GUCY1A2: variants seen among roughly 807,000 people sequenced by gnomAD.
GUCY1A2 encodes guanylate cyclase 1 soluble subunit alpha 2.
A neutral mutation model predicts 63.5 loss-of-function variants in GUCY1A2; 27 were observed. The observed-to-expected ratio is 0.43, with a 90% CI of 0.31 to 0.59. The LOEUF is 0.59. GUCY1A2 is among the 20% of genes least tolerant of loss of function. The probability of loss-of-function intolerance (pLI) is 0.11; values close to 1 mark genes in which losing one functional copy is unlikely to be tolerated. For synonymous variants in GUCY1A2, 364 were observed against 343.5 expected (o/e 1.06, Z -0.66); for missense variants, 768 against 913.3 (o/e 0.84, Z 2.05).
chr11:106,818,862 A>G (rs571802306), intron 4 of GUCY1A2, among the ~76,000 whole-genome samples: 190 of 152,294 alleles, frequency 1.2e-3, no homozygotes, highest in African/African-American at 4.4e-3. Context: ...GTTTAGCCAA[A>G]GCCTAATCCA....
intron 6 of GUCY1A2, among the ~76,000 whole-genome samples, chr11:106,766,949 T>C (rs1864174714): frequency 6.6e-6 from 1 of 151,974 alleles, no homozygotes. Context: ...CAGATGGAGA[T>C]TCCTATTCTT....
intron 1 of GUCY1A2, among the ~76,000 whole-genome samples, chr11:107,006,292 C>T (rs964319068): frequency 2.6e-5 from 4 of 152,160 alleles, no homozygotes; most frequent in East Asian, 1.9e-4. Flanking sequence ...ATTCACTGTT[C>T]ACATTTTATT....
At chr11:106,742,889 C>T (rs1303781539) in intron 6 of GUCY1A2, among the ~76,000 whole-genome samples, 1 of 152,036 alleles carries the variant, frequency 6.6e-6, no homozygotes, top group Non-Finnish European at 1.5e-5. Context: ...TTCTGAAGTA[C>T]CCTCTTCATT....
At chr11:106,717,617 C>CA (rs1396157331) in intron 6 of GUCY1A2, among the ~76,000 whole-genome samples, 1 of 152,128 alleles carries the variant, frequency 6.6e-6, no homozygotes, top group Non-Finnish European at 1.5e-5. Flanking sequence ...GTAAGCTCTT[C>CA]ACTCATGTTT....
chr11:106,933,001 G>A (rs7122744), intron 4 of GUCY1A2, among the ~76,000 whole-genome samples: 2,158 of 151,998 alleles, frequency 0.014, 28 homozygotes, highest in South Asian at 0.048. Context: ...GTAAGACCTC[G>A]AACAGTAAGA....
chr11:106,919,262 AC>A (rs1450932089), intron 4 of GUCY1A2, among the ~76,000 whole-genome samples: 1 of 152,154 alleles, frequency 6.6e-6, no homozygotes, highest in Admixed American at 6.6e-5. Context: ...AAGGCTACAA[AC>A]TTTTTCAGTT....
At chr11:106,842,196 T>A (rs1222423431) in intron 4 of GUCY1A2, among the ~76,000 whole-genome samples, 1 of 151,912 alleles carries the variant, frequency 6.6e-6, no homozygotes, top group African/African-American at 2.4e-5. Flanking sequence ...GTTAAAGCTT[T>A]CCCTAGGTTC....
At chr11:107,002,983 T>C (rs547117640) in intron 1 of GUCY1A2, among the ~76,000 whole-genome samples, 2 of 152,160 alleles carry the variant, frequency 1.3e-5, no homozygotes, top group Non-Finnish European at 2.9e-5. Flanking sequence ...TCTTAGGAAA[T>C]AGGTTAGAGA....
chr11:106,742,155 A>G (rs930418630), intron 6 of GUCY1A2, among the ~76,000 whole-genome samples: 1 of 152,232 alleles, frequency 6.6e-6, no homozygotes, highest in African/African-American at 2.4e-5. Flanking sequence ...GGGAGAAAAA[A>G]GTAGCACATG....
chr11:106,829,117 T>G (rs1281468976), intron 4 of GUCY1A2, among the ~76,000 whole-genome samples: 1 of 152,274 alleles, frequency 6.6e-6, no homozygotes, highest in Non-Finnish European at 1.5e-5. Context: ...TGTGACTCAA[T>G]AATAATCTTC....
chr11:106,971,246 T>C (rs1861190932), intron 3 of GUCY1A2, among the ~76,000 whole-genome samples: 1 of 151,798 alleles, frequency 6.6e-6, no homozygotes. Flanking sequence ...TGTGTGTGTT[T>C]AGGAGGTCAA....
intron 5 of GUCY1A2, among the ~76,000 whole-genome samples, chr11:106,785,387 A>G (rs1361061318): frequency 6.6e-6 from 1 of 151,944 alleles, no homozygotes; most frequent in African/African-American, 2.4e-5. Context: ...CTGGATCTGT[A>G]ATTTTCTTTC....
chr11:106,721,772 CA>C (rs1863320876), intron 6 of GUCY1A2, among the ~76,000 whole-genome samples: 1 of 152,094 alleles, frequency 6.6e-6, no homozygotes, highest in African/African-American at 2.4e-5. Context: ...AAACAATGAA[CA>C]AAACTGTAAT....
chr11:106,733,073 C>T (rs1565161), intron 6 of GUCY1A2, among the ~76,000 whole-genome samples: 94,764 of 151,996 alleles, frequency 0.62, 29,893 homozygotes, highest in East Asian at 0.89. Context: ...GTTTCAAAAA[C>T]GCTTGTTTTC....
intron 5 of GUCY1A2, among the ~76,000 whole-genome samples, chr11:106,791,559 G>T (rs979573510): frequency 6.6e-6 from 1 of 151,972 alleles, no homozygotes; most frequent in African/African-American, 2.4e-5. Context: ...GGAAACTTCT[G>T]TTCTTCCATC....
At chr11:106,729,536 T>C (rs534268310) in intron 6 of GUCY1A2, among the ~76,000 whole-genome samples, 140 of 152,274 alleles carry the variant, frequency 9.2e-4, no homozygotes, top group Non-Finnish European at 1.5e-3. Context: ...AATTAGAAGA[T>C]ACAGCCATTT....
chr11:106,699,940 C>G (rs1291823414), intron 7 of GUCY1A2, among the ~76,000 whole-genome samples: 1 of 151,928 alleles, frequency 6.6e-6, no homozygotes, highest in Non-Finnish European at 1.5e-5. Context: ...CGTCCCCTCG[C>G]CTGGCTAATT....
intron 4 of GUCY1A2, among the ~76,000 whole-genome samples, chr11:106,889,984 C>A (rs956421076): frequency 2.6e-5 from 4 of 152,082 alleles, no homozygotes; most frequent in Non-Finnish European, 5.9e-5. Flanking sequence ...ATCTCTTAAC[C>A]TCTCAGACCT....
intron 4 of GUCY1A2, chr11:106,827,925 G>C: frequency 8.5e-6 from 11 of 1,297,940 alleles, no homozygotes; most frequent in Non-Finnish European, 1.2e-5. Flanking sequence ...TGAATATCGC[G>C]GCGGAACAGC....
Sources: allele counts gnomAD v4.1 joint callset (sites outside exome capture counted in the v4.1 genomes callset), GRCh38; gene constraint gnomAD v4.1.1; transcripts MANE v1.5; gene names NCBI Gene and HGNC (gene_info 2026-07-23, HGNC 2026-07-21).